The following RNF130 variants were observed in gnomAD, a reference collection of about 807,000 sequenced individuals.
RNF130 encodes the protein ring finger protein 130.
In RNF130, 21 loss-of-function variants were observed where a neutral mutation model predicts 44.6. The ratio of observed to expected loss-of-function variants is 0.47; its 90% CI spans 0.33 to 0.68. The LOEUF is 0.68. Ranked by LOEUF, RNF130 falls within the 30% of genes least tolerant of loss-of-function variation. The pLI, the probability that RNF130 is intolerant of heterozygous loss-of-function variation, is 0.02. For synonymous variants in RNF130, 214 were observed against 210.4 expected (o/e 1.02, Z -0.15); for missense variants, 479 against 560.6 (o/e 0.85, Z 1.47).
intron 1 of RNF130, among the ~76,000 whole-genome samples, chr5:180,049,511 G>A (rs887703501): frequency 6.6e-6 from 1 of 152,164 alleles, no homozygotes; most frequent in Non-Finnish European, 1.5e-5. Context: ...ATACTGATAA[G>A]GTGATTAGGC....
chr5:179,974,741 C>T (rs373730157), intron 5 of RNF130, among the ~76,000 whole-genome samples: 18 of 152,172 alleles, frequency 1.2e-4, no homozygotes, highest in African/African-American at 3.9e-4. Flanking sequence ...CTGGGAAATG[C>T]GAGTGTCACG....
intron 1 of RNF130, among the ~76,000 whole-genome samples, chr5:180,047,616 G>A (rs1764596431): frequency 6.6e-6 from 1 of 152,046 alleles, no homozygotes; most frequent in African/African-American, 2.4e-5. Context: ...GTGGTGTGTA[G>A]GCCTGTAATC....
intron 1 of RNF130, among the ~76,000 whole-genome samples, chr5:180,057,283 T>C (rs897805378): frequency 2.6e-5 from 4 of 152,236 alleles, no homozygotes; most frequent in Non-Finnish European, 2.9e-5. Context: ...GCACAGTGGC[T>C]CACGCCTGTA....
At chr5:179,978,088 T>G in intron 5 of RNF130, 115 bp downstream of exon 5, 1 of 844,452 alleles carries the variant, frequency 1.2e-6, no homozygotes, top group Non-Finnish European at 2.0e-6. Context: ...GGACTTGGCC[T>G]CCAGAAAGCC....
intron 3 of RNF130, among the ~76,000 whole-genome samples, chr5:179,995,913 G>C (rs1763187752): frequency 6.6e-6 from 1 of 152,218 alleles, no homozygotes; most frequent in Admixed American, 6.5e-5. Context: ...CTTTTTCCAA[G>C]TGGGTTAGGC....
chr5:179,970,436 T>C lies in RNF130; in HGVS notation c.919A>G (p.Asn307Asp). ...EHCTCPMCKL[N>D]ILKALGIVPN... ...ACAATTCCCAGGGCCTTCAATATATTAAGTTTGCACATAGGACAGGTACAA... is the reference window on the plus strand; with the variant it reads ...ACAATTCCCAGGGCCTTCAATATATCAAGTTTGCACATAGGACAGGTACAA... Residue 307 changes from asparagine to aspartate, a missense_variant, in exon 6 of 9, where the codon AAT becomes GAT. By Grantham distance (23) the Asn-to-Asp change is conservative. Coordinates refer to ENST00000521389, the MANE Select transcript of RNF130 (RefSeq NM_018434.6). The C allele has an allele frequency of 6.2e-7, 1 of 1,613,104 alleles. No homozygotes were observed. Among genetic ancestry groups the C allele is most frequent in the Non-Finnish European group, 8.5e-7 (1 of 1,179,550 alleles).
At chr5:180,018,710 T>G (rs1472265966) in intron 2 of RNF130, among the ~76,000 whole-genome samples, 1 of 152,212 alleles carries the variant, frequency 6.6e-6, no homozygotes, top group Non-Finnish European at 1.5e-5. Context: ...CATTCTCTCT[T>G]CGCCCCCTGC....
intron 3 of RNF130, among the ~76,000 whole-genome samples, chr5:179,981,635 T>C (rs566421825): frequency 6.6e-6 from 1 of 152,350 alleles, no homozygotes; most frequent in South Asian, 2.1e-4. Context: ...ACTAAGCACC[T>C]CTAATAGACA....
At chr5:179,990,803 T>C (rs763059077) in intron 3 of RNF130, among the ~76,000 whole-genome samples, 15 of 152,198 alleles carry the variant, frequency 9.9e-5, no homozygotes, top group Non-Finnish European at 2.1e-4. Flanking sequence ...TCAGCTACTA[T>C]CTCTGTATGG....
intron 2 of RNF130, among the ~76,000 whole-genome samples, chr5:180,023,598 G>A (rs1397564197): frequency 2.0e-5 from 3 of 152,154 alleles, no homozygotes; most frequent in Non-Finnish European, 4.4e-5. Context: ...AAGGACACAG[G>A]AGCCAACATA....
chr5:180,034,752 C>A (rs1393619979), intron 2 of RNF130, among the ~76,000 whole-genome samples: 1 of 152,192 alleles, frequency 6.6e-6, no homozygotes, highest in Admixed American at 6.5e-5. Flanking sequence ...AAGAGTGACT[C>A]ACTGTGAGTG....
intron 7 of RNF130, among the ~76,000 whole-genome samples, chr5:179,944,602 T>C (rs554309361): frequency 3.0e-4 from 45 of 152,132 alleles, no homozygotes; most frequent in African/African-American, 1.1e-3. Context: ...CAAGCCACCA[T>C]GCCTGGCTAA....
intron 6 of RNF130, among the ~76,000 whole-genome samples, chr5:179,967,588 C>A (rs1166401371): frequency 1.3e-5 from 2 of 152,110 alleles, no homozygotes; most frequent in African/African-American, 4.8e-5. Flanking sequence ...AGGTATAGAG[C>A]TGCTTGGGGC....
intron 3 of RNF130, among the ~76,000 whole-genome samples, chr5:180,011,208 A>G (rs1763589234): frequency 6.6e-6 from 1 of 152,232 alleles, no homozygotes; most frequent in African/African-American, 2.4e-5. Flanking sequence ...CCAAGTAAGA[A>G]GAGACAACTG....
At chr5:180,031,307 C>T (rs1582204480) in intron 2 of RNF130, among the ~76,000 whole-genome samples, 1 of 151,978 alleles carries the variant, frequency 6.6e-6, no homozygotes, top group African/African-American at 2.4e-5. Flanking sequence ...GCCAGTATGG[C>T]GAAACCCCAA....
At chr5:179,938,225 TG>T (rs1761923757) in intron 7 of RNF130, among the ~76,000 whole-genome samples, 1 of 152,190 alleles carries the variant, frequency 6.6e-6, no homozygotes, top group Non-Finnish European at 1.5e-5. Flanking sequence ...CTCAAAGTAC[TG>T]GGATCACAGG....
intron 3 of RNF130, among the ~76,000 whole-genome samples, chr5:179,986,569 A>G (rs574995648): frequency 3.2e-4 from 48 of 152,366 alleles, no homozygotes; most frequent in African/African-American, 1.1e-3. Context: ...TTTCAAGTGG[A>G]CACTGGCAAC....
intron 8 of RNF130, among the ~76,000 whole-genome samples, chr5:179,960,669 G>C (rs1454300315): frequency 1.3e-5 from 2 of 152,180 alleles, no homozygotes; most frequent in Non-Finnish European, 2.9e-5. Context: ...TACAAGAACA[G>C]TGACTAGTAA....
intron 1 of RNF130, among the ~76,000 whole-genome samples, chr5:180,060,397 T>G (rs1435038016): frequency 2.6e-5 from 4 of 152,232 alleles, no homozygotes; most frequent in Non-Finnish European, 4.4e-5. Context: ...ATCCTTGTTT[T>G]TTCCAGCAAA....
Sources: allele counts gnomAD v4.1 joint callset (sites outside exome capture counted in the v4.1 genomes callset), GRCh38; gene constraint gnomAD v4.1.1; transcripts MANE v1.5; gene names NCBI Gene and HGNC (gene_info 2026-07-23, HGNC 2026-07-21).